The following CATSPER3 variants were observed in gnomAD, a reference collection of about 807,000 sequenced individuals.
The protein encoded by CATSPER3 is cation channel sperm-associated protein 3.
Under a neutral mutation model 36.6 loss-of-function variants are expected in CATSPER3, and 23 were observed. The ratio of observed to expected loss-of-function variants is 0.63; its 90% confidence interval spans 0.45 to 0.89. The LOEUF is 0.89. Among genes scored for constraint, CATSPER3 ranks in the 40% least tolerant of loss-of-function variants. The probability of loss-of-function intolerance (pLI) is 0.00; values close to 1 mark genes in which losing one functional copy is unlikely to be tolerated. For synonymous variants in CATSPER3, 172 were observed against 184.1 expected (o/e 0.93, Z 0.53); for missense variants, 474 against 503.9 (o/e 0.94, Z 0.57).
At chr5:134,988,307 G>A (rs1205236192) in intron 2 of CATSPER3, among the ~76,000 whole-genome samples, 1 of 152,216 alleles carries the variant, frequency 6.6e-6, no homozygotes, top group East Asian at 1.9e-4. Context: ...GAAGGCTGGA[G>A]TGTCTGTGGC....
At chr5:135,002,725 T>G (rs560410676) in intron 3 of CATSPER3, among the ~76,000 whole-genome samples, 35 of 152,346 alleles carry the variant, frequency 2.3e-4, no homozygotes, top group African/African-American at 8.2e-4. Flanking sequence ...ACTGATACCC[T>G]TTCTTCCAGT....
At chr5:135,006,554 C>T (rs964464570) in intron 3 of CATSPER3, among the ~76,000 whole-genome samples, 1 of 151,986 alleles carries the variant, frequency 6.6e-6, no homozygotes, top group Admixed American at 6.6e-5. Context: ...AAAAAAATAT[C>T]GGCTGGGCGC....
rs202239089 is a variant in CATSPER3, at chr5:134,996,418, A to C, written c.398A>C (p.Gln133Pro). ...ATGTTTTTACCCTATGCCCTCCGCC[A>C]GCTCATGGGCAAACAGTTCACTTAC... is the stretch of plus-strand genomic sequence containing the variant. The part of the protein sequence containing the change: ...IVMFLPYALR[Q>P]LMGKQFTYLY... The change falls in exon 3 of 8, where the codon CAG (glutamine) becomes CCG (proline). Residue 133 changes from glutamine to proline, a missense_variant. Gln to Pro is a moderately conservative substitution (Grantham distance 76). Coordinates refer to ENST00000282611, the MANE Select transcript of CATSPER3 (RefSeq NM_178019.3). 6.2e-7 allele frequency: 1 copy of C among 1,614,178 alleles called. No homozygotes were observed. Among genetic ancestry groups the C allele is most frequent in the South Asian group, 1.1e-5 (1 of 91,082 alleles).
intron 2 of CATSPER3, among the ~76,000 whole-genome samples, chr5:134,990,684 G>A (rs537890394): frequency 3.5e-4 from 53 of 152,260 alleles, no homozygotes; most frequent in African/African-American, 8.2e-4. Flanking sequence ...AGCACACACC[G>A]TTGGAAAAAT....
At chr5:134,990,275 G>C (rs1042849037) in intron 2 of CATSPER3, among the ~76,000 whole-genome samples, 2 of 152,148 alleles carry the variant, frequency 1.3e-5, no homozygotes, top group Non-Finnish European at 1.5e-5. Flanking sequence ...TCAGGCAGAC[G>C]TGAGACATCA....
chr5:135,011,472 G>A (rs760222342), intron 7 of CATSPER3, 49 bp from the exon 8 acceptor site: 1 of 1,422,644 alleles, frequency 7.0e-7, no homozygotes, highest in Non-Finnish European at 9.9e-7. Context: ...GGGGGTCCTG[G>A]AGCCTGCCTC....
chr5:134,990,051 A>G (rs566600597), intron 2 of CATSPER3, among the ~76,000 whole-genome samples: 1 of 152,306 alleles, frequency 6.6e-6, no homozygotes, highest in Admixed American at 6.5e-5. Context: ...CAGTCCGAAC[A>G]TGCACATTCA....
At position 135,008,121 on chromosome 5, in the gene CATSPER3, C is replaced by T. The variant is rs1248613372; in HGVS notation, c.657C>T (p.Thr219=). The stretch of plus-strand genomic sequence containing the variant: ...GGAACCTGGCTGCAGCTTTTTTCAC[C>T]CTCTTCAGCTTGGCCACGGTACTGT... ...NWGNLAAAFF[T]LFSLATVDGW... Residue 219 remains threonine, a synonymous_variant, in exon 4 of 8, where the codon ACC becomes ACT. Coordinates refer to ENST00000282611, the MANE Select transcript of CATSPER3 (RefSeq NM_178019.3). 8.1e-6 allele frequency: 13 copies of T among 1,614,014 alleles called. No homozygotes were observed. The South Asian group carries it at 1.2e-4, about 15-fold the overall frequency.
At chr5:134,970,210 C>T (rs1371466864) in intron 2 of CATSPER3, 118 bp downstream of exon 2, 2 of 997,028 alleles carry the variant, frequency 2.0e-6, no homozygotes, top group Non-Finnish European at 3.1e-6. Context: ...GGCTGGAGTG[C>T]AGTGGCGTGA....
At chr5:135,003,237 G>A (rs1467620791) in intron 3 of CATSPER3, among the ~76,000 whole-genome samples, 3 of 152,194 alleles carry the variant, frequency 2.0e-5, no homozygotes, top group Admixed American at 6.5e-5. Context: ...CTGTTTGCCT[G>A]GGTATCAGCA....
intron 2 of CATSPER3, chr5:134,995,877 C>T: frequency 3.3e-6 from 1 of 299,818 alleles, no homozygotes; most frequent in Non-Finnish European, 6.6e-6. Flanking sequence ...ATAGATTAAA[C>T]ATAAGTAGAT....
chr5:134,986,519 T>C (rs1422326589), intron 2 of CATSPER3, among the ~76,000 whole-genome samples: 1 of 143,244 alleles, frequency 7.0e-6, no homozygotes, highest in African/African-American at 2.7e-5. Flanking sequence ...TGGAGTGCAA[T>C]GGCACAACCT....
intron 2 of CATSPER3, among the ~76,000 whole-genome samples, chr5:134,993,883 G>C (rs1697547905): frequency 6.6e-6 from 1 of 152,184 alleles, no homozygotes; most frequent in Non-Finnish European, 1.5e-5. Context: ...CCAGCACTTT[G>C]GGAGGCCAAT....
chr5:134,995,564 T>C (rs1751934745), intron 2 of CATSPER3: 1 of 158,038 alleles, frequency 6.3e-6, no homozygotes, highest in Non-Finnish European at 1.4e-5. Flanking sequence ...GACTGTAAGC[T>C]TCCCGGGGGC....
intron 2 of CATSPER3, among the ~76,000 whole-genome samples, chr5:134,971,748 G>A (rs986328416): frequency 2.6e-5 from 4 of 152,114 alleles, no homozygotes; most frequent in African/African-American, 4.8e-5. Flanking sequence ...TTTAAAGACA[G>A]GATCCCACAG....
chr5:135,001,610 G>T (rs796648450), intron 3 of CATSPER3, among the ~76,000 whole-genome samples: 1 of 152,092 alleles, frequency 6.6e-6, no homozygotes, highest in Admixed American at 6.5e-5. Context: ...TCTCTTTGTA[G>T]GTCTCTAAGG....
chr5:134,983,961 A>G (rs1415418057), intron 2 of CATSPER3, among the ~76,000 whole-genome samples: 1 of 152,260 alleles, frequency 6.6e-6, no homozygotes, highest in African/African-American at 2.4e-5. Context: ...GTGGAAAAGA[A>G]TAGAGAACCC....
chr5:134,991,551 G>A lies in CATSPER3; in HGVS notation c.253-4722G>A, dbSNP rs78156647. Among the ~76,000 whole-genome samples, 519 of 152,228 alleles carry A rather than the reference G, an allele frequency of 3.4e-3. 7 individuals are homozygous for A. The East Asian group carries it at 0.037, about 11-fold the overall frequency. On this transcript the variant is annotated intron_variant, in intron 2 of 7. Transcript: ENST00000282611. ...AAGACCATTCAATGGGGAAAGAGTA[G>A]TAGTCTCTTCAACAAATAGTATTTG...
chr5:135,010,251 G>A, intron 6 of CATSPER3, 122 bp from the exon 7 acceptor site: 1 of 860,606 alleles, frequency 1.2e-6, no homozygotes, highest in Non-Finnish European at 2.0e-6. Flanking sequence ...CAAGGCTGAA[G>A]CTTCCTTCCA....
Sources: gnomAD v4.1 joint callset for allele counts (sites outside exome capture counted in the v4.1 genomes callset) on GRCh38, gnomAD v4.1.1 for gene constraint, MANE v1.5 for transcripts, NCBI Gene and HGNC (gene_info 2026-07-23, HGNC 2026-07-21) for gene names.